The following CDC7 variants were observed in gnomAD, a reference collection of about 807,000 sequenced individuals.
CDC7 encodes the protein cell division cycle 7.
In CDC7, 34 loss-of-function variants were observed where a neutral mutation model predicts 53.5. That is an observed-to-expected ratio of 0.64 (90% confidence interval 0.48 to 0.85). The LOEUF is 0.85. CDC7 is among the 40% of genes least tolerant of loss of function. The pLI is 0.00. For missense variants in CDC7, 594 were observed against 679.7 expected (o/e 0.87, Z 1.40); for synonymous variants, 211 against 222.8 (o/e 0.95, Z 0.47).
At chr1:91,508,181 GT>G in intron 3 of CDC7, 80 bp from the exon 4 acceptor site, 1 of 1,160,692 alleles carries the variant, frequency 8.6e-7, no homozygotes, top group Non-Finnish European at 1.2e-6. Flanking sequence ...CATTGAAACA[GT>G]TTTTACAATC....
intron 10 of CDC7, among the ~76,000 whole-genome samples, chr1:91,519,461 T>C (rs1667796017): frequency 1.3e-5 from 2 of 151,788 alleles, no homozygotes; most frequent in Non-Finnish European, 2.9e-5. Context: ...ATAATTGGAT[T>C]GTTCGTAACA....
At chr1:91,512,574 A>G (rs1290788443) in intron 6 of CDC7, among the ~76,000 whole-genome samples, 1 of 152,146 alleles carries the variant, frequency 6.6e-6, no homozygotes, top group Admixed American at 6.5e-5. Flanking sequence ...ATTATAAGCT[A>G]AAAATAACAT....
intron 4 of CDC7, among the ~76,000 whole-genome samples, chr1:91,509,681 T>C (rs1209035616): frequency 1.3e-5 from 2 of 152,172 alleles, no homozygotes; most frequent in East Asian, 3.8e-4. Context: ...AAATATAAAA[T>C]ATATATGTAT....
At position 91,524,195 on chromosome 1, in the gene CDC7, T is replaced by C; in HGVS notation, c.1485T>C (p.His495=). The change falls in exon 12 of 12, where the codon CAT becomes CAC. Residue 495 remains histidine, a synonymous_variant. Coordinates refer to ENST00000234626, the MANE Select transcript of CDC7 (RefSeq NM_003503.4). ...HQPAISEKTD[H]KASCLVQTPP... Reference sequence around the variant, plus strand: ...CAGCTATTTCAGAGAAGACTGACCATAAAGCTTCTTGCCTCGTTCAAACAC... The same window carrying C: ...CAGCTATTTCAGAGAAGACTGACCACAAAGCTTCTTGCCTCGTTCAAACAC... 1 of 1,614,086 alleles carries C rather than the reference T, an allele frequency of 6.2e-7. No individual in the cohort carries two copies.
intron 2 of CDC7, among the ~76,000 whole-genome samples, chr1:91,505,235 A>C (rs924213079): frequency 6.6e-6 from 1 of 152,200 alleles, no homozygotes; most frequent in Non-Finnish European, 1.5e-5. Flanking sequence ...GCATTCAAGA[A>C]TAGCAAGGAG....
chr1:91,522,649 C>G lies in CDC7; in HGVS notation c.1331-1392C>G, dbSNP rs919291307. Among the ~76,000 whole-genome samples the G allele has an allele frequency of 2.6e-5, 4 of 152,062 alleles. No individual in the cohort carries two copies. In the South Asian group the frequency reaches 6.2e-4, roughly 24 times the overall value. On this transcript the variant is annotated intron_variant, in intron 11 of 11. Coordinates refer to ENST00000234626, the MANE Select transcript of CDC7 (RefSeq NM_003503.4). Reference sequence around the variant, plus strand: ...AGTTATTTTATGACTTCAGAACAAGCTAATAAAGGAATAAAACTATATGAA... The same window carrying G: ...AGTTATTTTATGACTTCAGAACAAGGTAATAAAGGAATAAAACTATATGAA...
intron 2 of CDC7, among the ~76,000 whole-genome samples, chr1:91,503,933 T>A (rs1227282359): frequency 5.9e-5 from 9 of 152,084 alleles, no homozygotes; most frequent in Non-Finnish European, 2.9e-5. Context: ...TAGTAAATAT[T>A]CTACAACTGG....
intron 4 of CDC7, 97 bp from the exon 5 acceptor site, chr1:91,511,500 T>C (rs956367648): frequency 2.9e-6 from 2 of 684,628 alleles, no homozygotes; most frequent in East Asian, 2.5e-5. Context: ...TCTAGCAATA[T>C]GTATGCATTG....
At chr1:91,508,231 A>G (rs1185800969) in intron 3 of CDC7, 31 bp from the exon 4 acceptor site, 7 of 1,544,586 alleles carry the variant, frequency 4.5e-6, no homozygotes, top group South Asian at 2.5e-5. Flanking sequence ...TAAAAACCAG[A>G]TATTGAAAAA....
intron 10 of CDC7, among the ~76,000 whole-genome samples, chr1:91,518,937 T>C (rs548696): frequency 0.99 from 150,056 of 151,768 alleles, 74,207 homozygotes; most frequent in East Asian, 1. Flanking sequence ...AGTGTGCATC[T>C]GTGGTCCCAG....
chr1:91,522,799 T>A (rs1668034606), intron 11 of CDC7, among the ~76,000 whole-genome samples: 1 of 152,194 alleles, frequency 6.6e-6, no homozygotes. Flanking sequence ...GTTTCCTCCC[T>A]TTCCCTCCCC....
rs1238316768 is a variant in CDC7, at chr1:91,514,803, G to A, written c.919-16G>A. ...TAATATCATGAAAATAGAAAAATGA[G>A]ACTTTTCTTTTACAGCTCATGAAGC... On this transcript the variant is annotated splice_polypyrimidine_tract_variant and intron_variant, in intron 8 of 11. Coordinates refer to ENST00000234626, the MANE Select transcript of CDC7 (RefSeq NM_003503.4). 2 of 1,542,268 alleles carry A rather than the reference G, an allele frequency of 1.3e-6. No individual in the cohort carries two copies. The highest frequency in any genetic ancestry group is 1.7e-6 in the Non-Finnish European group (2 of 1,144,492).
chr1:91,522,367 C>G (rs1415673416), intron 11 of CDC7, among the ~76,000 whole-genome samples: 1 of 152,138 alleles, frequency 6.6e-6, no homozygotes, highest in Non-Finnish European at 1.5e-5. Flanking sequence ...CTTTACTTCT[C>G]TTATCTGTCC....
At chr1:91,518,469 A>G (rs942085750) in intron 10 of CDC7, among the ~76,000 whole-genome samples, 2 of 152,220 alleles carry the variant, frequency 1.3e-5, no homozygotes, top group Non-Finnish European at 2.9e-5. Flanking sequence ...CATAATAGCC[A>G]AAATTTGAAA....
chr1:91,524,137 C>T lies in CDC7; in HGVS notation c.1427C>T (p.Thr476Ile). 1 of 1,613,976 alleles carries T rather than the reference C, an allele frequency of 6.2e-7. No individual in the cohort carries two copies. Among genetic ancestry groups the T allele is most frequent in the Non-Finnish European group, 8.5e-7 (1 of 1,179,930 alleles). Residue 476 changes from threonine to isoleucine, a missense_variant, in exon 12 of 12, where the codon ACA becomes ATA. Coordinates refer to ENST00000234626, the MANE Select transcript of CDC7 (RefSeq NM_003503.4). ...ATGGATTCTAGCACTCCCAAGTTAA[C>T]AAGTGATATACAAGGGCATGCTTCT... ...RGMDSSTPKL[T>I]SDIQGHASHQ...
At chr1:91,513,002 T>C in intron 6 of CDC7, 56 bp from the exon 7 acceptor site, 4 of 1,473,002 alleles carry the variant, frequency 2.7e-6, no homozygotes, top group Non-Finnish European at 3.7e-6. Flanking sequence ...AGTATTACAA[T>C]GTTACTAAGC....
At chr1:91,523,830 A>G (rs1668117510) in intron 11 of CDC7, among the ~76,000 whole-genome samples, 1 of 151,958 alleles carries the variant, frequency 6.6e-6, no homozygotes, top group South Asian at 2.1e-4. Context: ...ACTATCTCCC[A>G]CTTTATCTCC....
intron 10 of CDC7, 133 bp downstream of exon 10, chr1:91,516,009 G>A (rs1008662932): frequency 1.0e-5 from 7 of 676,580 alleles, no homozygotes; most frequent in Non-Finnish European, 1.7e-5. Context: ...TTCTTGCAGT[G>A]TGGCATTCCT....
chr1:91,510,564 A>T (rs1667234562), intron 4 of CDC7, among the ~76,000 whole-genome samples: 2 of 152,234 alleles, frequency 1.3e-5, no homozygotes, highest in African/African-American at 4.8e-5. Context: ...TCTATAAAGA[A>T]TGCTTGCATA....
Sources: gnomAD v4.1 joint callset for allele counts (sites outside exome capture counted in the v4.1 genomes callset) on GRCh38, gnomAD v4.1.1 for gene constraint, MANE v1.5 for transcripts, NCBI Gene and HGNC (gene_info 2026-07-23, HGNC 2026-07-21) for gene names.